SLC38A1: variants seen among roughly 807,000 people sequenced by gnomAD.
SLC38A1 encodes the protein solute carrier family 38 member 1, also known as sodium-coupled neutral amino acid symporter 1.
SLC38A1 carries 18 observed loss-of-function variants against 60.3 expected under a neutral mutation model. The observed-to-expected ratio is 0.30, with a 90% CI of 0.21 to 0.44. SLC38A1 has a LOEUF of 0.44. SLC38A1 is among the 20% of genes least tolerant of loss of function. The pLI, the probability that SLC38A1 is intolerant of heterozygous loss-of-function variation, is 1.00. For missense variants in SLC38A1, 448 were observed against 587.2 expected (o/e 0.76, Z 2.45); for synonymous variants, 196 against 212.1 (o/e 0.92, Z 0.66).
intron 16 of SLC38A1, among the ~76,000 whole-genome samples, chr12:46,191,080 T>G (rs1939125689): frequency 6.6e-6 from 1 of 152,230 alleles, no homozygotes; most frequent in Non-Finnish European, 1.5e-5. Flanking sequence ...TACCTTTAAG[T>G]CTTTAACCCA....
intron 3 of SLC38A1, chr12:46,239,326 T>C (rs1941362312): frequency 7.1e-6 from 1 of 141,742 alleles, no homozygotes. Context: ...TTTTCTTTAC[T>C]TTTTTTTTTT....
At chr12:46,215,570 G>A (rs1455286776) in intron 5 of SLC38A1, among the ~76,000 whole-genome samples, 1 of 152,106 alleles carries the variant, frequency 6.6e-6, no homozygotes, top group African/African-American at 2.4e-5. Context: ...ACCACACCCA[G>A]CTAATTTTTG....
At chr12:46,225,270 G>A (rs528967110) in intron 5 of SLC38A1, among the ~76,000 whole-genome samples, 1 of 152,268 alleles carries the variant, frequency 6.6e-6, no homozygotes, top group East Asian at 1.9e-4. Flanking sequence ...GTGAGGATCT[G>A]TTGAACTTTT....
chr12:46,232,891 A>T (rs1376879810), intron 3 of SLC38A1, among the ~76,000 whole-genome samples: 1 of 152,136 alleles, frequency 6.6e-6, no homozygotes, highest in Non-Finnish European at 1.5e-5. Flanking sequence ...TTAAATTTGC[A>T]TTTTTTAAAT....
At chr12:46,226,774 C>A (rs1592115185) in intron 5 of SLC38A1, among the ~76,000 whole-genome samples, 2 of 152,014 alleles carry the variant, frequency 1.3e-5, no homozygotes, top group African/African-American at 4.8e-5. Flanking sequence ...CGCCCCTACA[C>A]CCAGCTAATT....
intron 5 of SLC38A1, among the ~76,000 whole-genome samples, chr12:46,215,583 T>G (rs1376847936): frequency 6.6e-6 from 1 of 152,022 alleles, no homozygotes; most frequent in African/African-American, 2.4e-5. Context: ...AATTTTTGTA[T>G]TTTTTAGTAG....
chr12:46,198,738 C>T lies in SLC38A1; in HGVS notation c.1009G>A (p.Val337Met), dbSNP rs912376187. Residue 337 changes from valine (V) to methionine (M), a missense_variant, in exon 14 of 17, where the codon GTG becomes ATG. Transcript: ENST00000398637. ...IFGYLTFYDN[V>M]QSDLLHKYQS... ...TATTTGTGAAGGAGGTCGGACTGCA[C>T]GTTGTCTAAAATGAGGGAAAAGCAA... 9 of 1,599,222 alleles carry T rather than the reference C, an allele frequency of 5.6e-6. No individual in the cohort carries two copies. The highest frequency in any genetic ancestry group is 2.7e-5 in the African/African-American group (2 of 74,162).
At chr12:46,254,714 A>G (rs1187405019) in intron 1 of SLC38A1, 1 of 152,292 alleles carries the variant, frequency 6.6e-6, no homozygotes, top group Non-Finnish European at 1.5e-5. Context: ...AAGCCTTGGT[A>G]AAATAACCAG....
chr12:46,211,159 G>A (rs1164124719), intron 5 of SLC38A1, among the ~76,000 whole-genome samples: 1 of 152,222 alleles, frequency 6.6e-6, no homozygotes, highest in African/African-American at 2.4e-5. Flanking sequence ...ACAATGCTAA[G>A]TAGCCACTTC....
At chr12:46,213,394 T>C (rs1940263447) in intron 5 of SLC38A1, among the ~76,000 whole-genome samples, 1 of 152,230 alleles carries the variant, frequency 6.6e-6, no homozygotes, top group Non-Finnish European at 1.5e-5. Flanking sequence ...CTTTCAAGTC[T>C]CATGATCTCT....
intron 6 of SLC38A1, among the ~76,000 whole-genome samples, chr12:46,208,732 T>A (rs912950271): frequency 6.6e-6 from 1 of 152,206 alleles, no homozygotes; most frequent in Non-Finnish European, 1.5e-5. Context: ...AAACATGGGA[T>A]CTTTGTTCTG....
intron 8 of SLC38A1, 83 bp from the exon 9 acceptor site, chr12:46,206,245 G>C (rs372971141): frequency 1.4e-6 from 1 of 696,738 alleles, no homozygotes; most frequent in African/African-American, 1.9e-5. Flanking sequence ...ATGATATCAT[G>C]ATATATATTT....
chr12:46,258,436 T>C (rs919739996), intron 1 of SLC38A1, among the ~76,000 whole-genome samples: 1 of 152,192 alleles, frequency 6.6e-6, no homozygotes, highest in Non-Finnish European at 1.5e-5. Context: ...AAGTGCAAAC[T>C]TGAAATTCAT....
chr12:46,191,420 T>C (rs1939140692), intron 16 of SLC38A1, among the ~76,000 whole-genome samples: 1 of 152,208 alleles, frequency 6.6e-6, no homozygotes, highest in South Asian at 2.1e-4. Context: ...ATGTGAGCTC[T>C]TTTTTGGTTC....
chr12:46,226,531 T>C (rs1940868876), intron 5 of SLC38A1, among the ~76,000 whole-genome samples: 1 of 151,442 alleles, frequency 6.6e-6, no homozygotes. Flanking sequence ...AGAGGACTAG[T>C]CTAGAAGGTC....
intron 13 of SLC38A1, 43 bp downstream of exon 13, chr12:46,201,055 G>C (rs547930297): frequency 2.1e-5 from 29 of 1,351,268 alleles, no homozygotes; most frequent in Admixed American, 3.9e-5. Flanking sequence ...TTACTAATTT[G>C]TTTACAAATA....
rs369006703 is a variant in SLC38A1, at chr12:46,239,703, T to C, written c.98A>G (p.Glu33Gly). The part of the protein sequence containing the change: ...NISNDSNDFT[E>G]VENGQINSKF... The stretch of plus-strand genomic sequence containing the variant: ...CCTATTTATCTGACCATTTTCTACT[T>C]CGGTGAAATCATTGGAGTCATTGCT... Residue 33 changes from glutamate (E) to glycine (G), a missense_variant, in exon 3 of 17, where the codon GAA becomes GGA. Coordinates refer to ENST00000398637, the MANE Select transcript of SLC38A1 (RefSeq NM_030674.4). 7.1e-5 allele frequency: 115 copies of C among 1,613,670 alleles called. 1 individual carries two copies. The highest frequency in any genetic ancestry group is 9.4e-5 in the Non-Finnish European group (111 of 1,179,952).
chr12:46,263,858 G>C (rs1052238728), intron 1 of SLC38A1, among the ~76,000 whole-genome samples: 2 of 152,290 alleles, frequency 1.3e-5, no homozygotes, highest in Non-Finnish European at 2.9e-5. Context: ...GTAAAATCAG[G>C]GGGAAAAGTC....
At chr12:46,198,156 T>C (rs1180369042) in intron 14 of SLC38A1, 96 bp from the exon 15 acceptor site, 3 of 1,342,714 alleles carry the variant, frequency 2.2e-6, no homozygotes, top group Non-Finnish European at 3.1e-6. Flanking sequence ...GCACAGGAAT[T>C]CATGAAATGT....
Sources: gnomAD v4.1 joint callset for allele counts (sites outside exome capture counted in the v4.1 genomes callset) on GRCh38, gnomAD v4.1.1 for gene constraint, MANE v1.5 for transcripts, NCBI Gene and HGNC (gene_info 2026-07-23, HGNC 2026-07-21) for gene names.